The following ZNF197 variants were observed in gnomAD, a reference collection of about 807,000 sequenced individuals.
ZNF197 encodes zinc finger protein 197.
In ZNF197, 14 loss-of-function variants were observed where a neutral mutation model predicts 27.4. The ratio of observed to expected loss-of-function variants is 0.51; its 90% CI spans 0.34 to 0.80. ZNF197 has a LOEUF of 0.80. Among genes scored for constraint, ZNF197 ranks in the 30% least tolerant of loss-of-function variants. The pLI, the probability that ZNF197 is intolerant of heterozygous loss-of-function variation, is 0.02. For missense variants in ZNF197, 1,090 were observed against 1,222.6 expected, an observed-to-expected ratio of 0.89 and a Z score of 1.62; for synonymous variants, 415 against 420.0, an observed-to-expected ratio of 0.99 and a Z score of 0.15.
chr3:44,638,012 T>C (rs1702396771), intron 5 of ZNF197, among the ~76,000 whole-genome samples: 1 of 152,206 alleles, frequency 6.6e-6, no homozygotes, highest in African/African-American at 2.4e-5. Flanking sequence ...GAGATTTTAG[T>C]AGGGATTGCA....
In ZNF197 at chr3:44,642,595, A is replaced by T; in HGVS notation, c.1465A>T (p.Lys489Ter). Reference protein sequence around the residue: ...ERPYKCNECGKVFSQNAYLID... With the variant: ...ERPYKCNECG The stretch of plus-strand genomic sequence containing the variant: ...ACCTTATAAGTGTAATGAATGTGGG[A>T]AAGTCTTCTCTCAGAATGCTTACCT... Residue 489 changes from lysine to a stop codon, truncating the protein, a stop_gained, in exon 6 of 6, where the codon AAA becomes TAA. Transcript: ENST00000344387. LOFTEE classifies it low-confidence loss of function (END_TRUNC). 6.2e-7 allele frequency: 1 copy of T among 1,614,170 alleles called. No homozygotes were observed. Among genetic ancestry groups the T allele is most frequent in the Admixed American group, 1.7e-5 (1 of 60,028 alleles).
rs569784280 is a variant in ZNF197 at position 44,644,837 on chromosome 3, C to T, written c.*617C>T. 71 of 965,328 alleles carry T rather than the reference C, an allele frequency of 7.4e-5. No individual in the cohort carries two copies. The South Asian group carries it at 7.7e-4, about 10-fold the overall frequency. 59.8% of individuals were successfully genotyped at this position (965,328 alleles called of 1,614,324 possible). ...GAGTTCGAGACAAGCCTGGGTAACACGGGGAGACCCGTCTTTAGTAAATAA... is the reference window on the plus strand; with the variant it reads ...GAGTTCGAGACAAGCCTGGGTAACATGGGGAGACCCGTCTTTAGTAAATAA... On this transcript the variant is annotated 3_prime_UTR_variant, in exon 6 of 6. Coordinates refer to ENST00000344387, the MANE Select transcript of ZNF197 (RefSeq NM_006991.5).
rs1703014763 is a variant in ZNF197 at position 44,647,354 on chromosome 3, G to A, written c.*3134G>A. 6.6e-6 allele frequency: 1 copy of A among 152,176 alleles called. No homozygotes were observed. Among genetic ancestry groups the A allele is most frequent in the South Asian group, 2.1e-4 (1 of 4,822 alleles). 9.4% of individuals were successfully genotyped at this position (152,176 alleles called of 1,614,324 possible). On this transcript the variant is annotated 3_prime_UTR_variant, in exon 6 of 6. Transcript: ENST00000344387. ...GAAACAGGATCTCATACATTGCTGGGAATGTAAAATGGTACAGCCACTCTG... is the reference window on the plus strand; with the variant it reads ...GAAACAGGATCTCATACATTGCTGGAAATGTAAAATGGTACAGCCACTCTG...
At chr3:44,628,048 T>C (rs1352941741) in intron 1 of ZNF197, among the ~76,000 whole-genome samples, 4 of 152,196 alleles carry the variant, frequency 2.6e-5, no homozygotes, top group Non-Finnish European at 2.9e-5. Context: ...CTTAAAAGCT[T>C]AAAAATGTTT....
At position 44,641,913 on chromosome 3, in the gene ZNF197, G is replaced by T; in HGVS notation, c.783G>T (p.Met261Ile). Residue 261 changes from methionine to isoleucine, a missense_variant, in exon 6 of 6, where the codon ATG becomes ATT. Met to Ile is a conservative substitution (Grantham distance 10). Coordinates refer to ENST00000344387, the MANE Select transcript of ZNF197 (RefSeq NM_006991.5). ...GNVTSLEWETMTENEEVTSKP... is the reference protein window; with the variant it reads ...GNVTSLEWETITENEEVTSKP... ...TCCTTTTACCAGAATGGGAGACCAT[G>T]ACCGAGAATGAGGAGGTGACATCAA... The T allele has an allele frequency of 1.9e-6, 3 of 1,594,016 alleles. No homozygotes were observed. Among genetic ancestry groups the T allele is most frequent in the South Asian group, 2.3e-5 (2 of 87,828 alleles).
intron 5 of ZNF197, among the ~76,000 whole-genome samples, chr3:44,634,578 T>C (rs543706571): frequency 6.6e-6 from 1 of 152,050 alleles, no homozygotes; most frequent in African/African-American, 2.4e-5. Flanking sequence ...GCCTCCCAAG[T>C]AGCTGGGACT....
chr3:44,644,197 A>G lies in ZNF197; in HGVS notation c.3067A>G (p.Lys1023Glu), dbSNP rs775635189. ...FSWLQNTNES[K>E]IEIQKI ...TTGGCTACAAAACACCAATGAGTCCAAGATTGAGATTCAGAAAATCTAGTG... is the reference window on the plus strand; with the variant it reads ...TTGGCTACAAAACACCAATGAGTCCGAGATTGAGATTCAGAAAATCTAGTG... Residue 1023 changes from lysine to glutamate, a missense_variant, in exon 6 of 6, where the codon AAG becomes GAG. Coordinates refer to ENST00000344387, the MANE Select transcript of ZNF197 (RefSeq NM_006991.5). The G allele has an allele frequency of 6.3e-7, 1 of 1,594,662 alleles. No homozygotes were observed. Among genetic ancestry groups the G allele is most frequent in the Non-Finnish European group, 8.5e-7 (1 of 1,172,868 alleles).
rs1702831953 is a variant in ZNF197, at chr3:44,644,429, A to G, written c.*209A>G. On this transcript the variant is annotated 3_prime_UTR_variant, in exon 6 of 6. Transcript: ENST00000344387. Reference sequence around the variant, plus strand: ...CGAAGCGAGTGGATCACCTGAGGTCAGGATTTTGAGACCAGCCTGACCAAC... The same window carrying G: ...CGAAGCGAGTGGATCACCTGAGGTCGGGATTTTGAGACCAGCCTGACCAAC... 2 of 1,203,042 alleles carry G rather than the reference A, an allele frequency of 1.7e-6. No individual in the cohort carries two copies. The highest frequency in any genetic ancestry group is 2.1e-6 in the Non-Finnish European group (2 of 942,932). The allele number at this position is 1,203,042 out of a possible 1,614,324, so 74.5% of individuals were successfully genotyped here.
Position 44,646,275 on chromosome 3 carries a change from C to A in ZNF197, c.*2055C>A. On this transcript the variant is annotated 3_prime_UTR_variant, in exon 6 of 6. Coordinates refer to ENST00000344387, the MANE Select transcript of ZNF197 (RefSeq NM_006991.5). ...TGAGATAATGAATATAAAAATGTTTCATCCAGGTTGTTGAATCATCCCAGC... is the reference window on the plus strand; with the variant it reads ...TGAGATAATGAATATAAAAATGTTTAATCCAGGTTGTTGAATCATCCCAGC... 4 of 985,254 alleles carry A rather than the reference C, an allele frequency of 4.1e-6. No individual in the cohort carries two copies. The highest frequency in any genetic ancestry group is 4.8e-6 in the Non-Finnish European group (4 of 829,768). 61.0% of individuals were successfully genotyped at this position (985,254 alleles called of 1,614,324 possible).
intron 1 of ZNF197, among the ~76,000 whole-genome samples, chr3:44,628,581 G>C (rs1253934615): frequency 6.6e-6 from 1 of 152,176 alleles, no homozygotes; most frequent in African/African-American, 2.4e-5. Flanking sequence ...ATAGGAAAGA[G>C]TACTAGTTAC....
intron 5 of ZNF197, among the ~76,000 whole-genome samples, chr3:44,641,601 A>T (rs1429507307): frequency 6.6e-6 from 1 of 152,182 alleles, no homozygotes; most frequent in Non-Finnish European, 1.5e-5. Flanking sequence ...CCTCCATAAG[A>T]TCCTGTGTTT....
chr3:44,639,154 A>G (rs1421566287), intron 5 of ZNF197, among the ~76,000 whole-genome samples: 1 of 152,034 alleles, frequency 6.6e-6, no homozygotes, highest in Non-Finnish European at 1.5e-5. Flanking sequence ...TACCAACATT[A>G]TTTTCCTGTG....
At chr3:44,634,000 G>T (rs1324699816) in intron 5 of ZNF197, among the ~76,000 whole-genome samples, 1 of 152,174 alleles carries the variant, frequency 6.6e-6, no homozygotes, top group Non-Finnish European at 1.5e-5. Context: ...AGTGGTGGGT[G>T]AAACAGTCTG....
At chr3:44,639,716 G>A (rs924830289) in intron 5 of ZNF197, among the ~76,000 whole-genome samples, 10 of 151,632 alleles carry the variant, frequency 6.6e-5, no homozygotes, top group Admixed American at 2.6e-4. Context: ...AAGGGTGTAG[G>A]TACGGGCTTA....
intron 2 of ZNF197, chr3:44,630,752 C>T (rs956958580): frequency 3.1e-5 from 15 of 478,678 alleles, no homozygotes; most frequent in African/African-American, 5.9e-5. Context: ...AAGTCTGAAG[C>T]TAAAATCCAT....
At position 44,645,214 on chromosome 3, in the gene ZNF197, G is replaced by T; in HGVS notation, c.*994G>T. ...GTGAGGGTTAAGTGAAAGGATCTTTGTGAAAGTACTTTTTGAAATCATTCA... is the reference window on the plus strand; with the variant it reads ...GTGAGGGTTAAGTGAAAGGATCTTTTTGAAAGTACTTTTTGAAATCATTCA... On this transcript the variant is annotated 3_prime_UTR_variant, in exon 6 of 6. Coordinates refer to ENST00000344387, the MANE Select transcript of ZNF197 (RefSeq NM_006991.5). 4.1e-6 allele frequency: 4 copies of T among 984,494 alleles called. No individual in the cohort carries two copies. The highest frequency in any genetic ancestry group is 4.8e-6 in the Non-Finnish European group (4 of 829,068). 61.0% of individuals were successfully genotyped at this position (984,494 alleles called of 1,614,324 possible). A position where few individuals can be genotyped will look rare whatever the true frequency, so the allele number is the denominator to read the frequency against.
rs760129104 is a variant in ZNF197, at chr3:44,642,137, C to T, written c.1007C>T (p.Pro336Leu). The change falls in exon 6 of 6, where the codon CCA (proline) becomes CTA (leucine). Residue 336 changes from proline to leucine, a missense_variant. Transcript: ENST00000344387. ...GAACGAGACAAGAAGAAAAGGACTCCACCAGAGAAACAAGGCCAAAAGTGG... is the reference window on the plus strand; with the variant it reads ...GAACGAGACAAGAAGAAAAGGACTCTACCAGAGAAACAAGGCCAAAAGTGG... ...LCERDKKKRT[P>L]PEKQGQKWKE... The T allele has an allele frequency of 7.4e-6, 12 of 1,614,028 alleles. No homozygotes were observed. The Admixed American group carries it at 8.3e-5, about 11-fold the overall frequency.
chr3:44,645,707 A>C lies in ZNF197; in HGVS notation c.*1487A>C. 1.0e-6 allele frequency: 1 copy of C among 985,456 alleles called. No individual in the cohort carries two copies. Among genetic ancestry groups the C allele is most frequent in the Non-Finnish European group, 1.2e-6 (1 of 829,940 alleles). The allele number at this position is 985,456 out of a possible 1,614,324, so 61.0% of individuals were successfully genotyped here. A position where few individuals can be genotyped will look rare whatever the true frequency, so the allele number is the denominator to read the frequency against. On this transcript the variant is annotated 3_prime_UTR_variant, in exon 6 of 6. Transcript: ENST00000344387. ...AATCAATATTTCATCATTGCTGTCA[A>C]ATGATAGCCTGTTACTAATGAAACA...
At position 44,632,603 on chromosome 3, in the gene ZNF197, A is replaced by G; in HGVS notation, c.769+4A>G. The G allele has an allele frequency of 1.3e-6, 2 of 1,533,298 alleles. No homozygotes were observed. Among genetic ancestry groups the G allele is most frequent in the Non-Finnish European group, 1.8e-6 (2 of 1,139,066 alleles). 95.0% of individuals were successfully genotyped at this position (1,533,298 alleles called of 1,614,324 possible). ...TATGGAAATGTGACCTCCCTAGGTA[A>G]GGATTCTTCTTTCTATGATGCTTAC... On this transcript the variant is annotated splice_donor_region_variant and intron_variant, in intron 5 of 5. Coordinates refer to ENST00000344387, the MANE Select transcript of ZNF197 (RefSeq NM_006991.5).
Sources: allele counts gnomAD v4.1 joint callset (sites outside exome capture counted in the v4.1 genomes callset), GRCh38; gene constraint gnomAD v4.1.1; transcripts MANE v1.5; gene names NCBI Gene and HGNC (gene_info 2026-07-23, HGNC 2026-07-21).